The following ZDHHC24 variants were observed in gnomAD, a reference collection of about 807,000 sequenced individuals.
ZDHHC24 encodes zDHHC palmitoyltransferase 24.
ZDHHC24 carries 17 observed loss-of-function variants against 23.2 expected under a neutral mutation model. The ratio of observed to expected loss-of-function variants is 0.73; its 90% CI spans 0.50 to 1.10. The LOEUF (loss-of-function observed/expected upper bound fraction) is 1.10, where lower values mean the gene tolerates loss of function less well. Ranked by LOEUF, ZDHHC24 falls within the 50% of genes least tolerant of loss-of-function variation. ZDHHC24 has a pLI of 0.00. For missense variants in ZDHHC24, 366 were observed against 393.0 expected (o/e 0.93, Z 0.58); for synonymous variants, 186 against 194.5 (o/e 0.96, Z 0.36).
chr11:66,527,118 T>G, intron 3 of ZDHHC24: 1 of 1,135,638 alleles, frequency 8.8e-7, no homozygotes, highest in Non-Finnish European at 1.3e-6. Flanking sequence ...GGCTCACGCC[T>G]GTAATCCCAA....
At chr11:66,521,515 GC>G in intron 4 of ZDHHC24, 1 of 736,696 alleles carries the variant, frequency 1.4e-6, no homozygotes. Flanking sequence ...AGGAGGCTGA[GC>G]CCACAAACAC....
intron 4 of ZDHHC24, chr11:66,526,549 AGAAGCAACTCTATAG>A: frequency 2.0e-6 from 3 of 1,489,964 alleles, no homozygotes; most frequent in Non-Finnish European, 2.8e-6. Flanking sequence ...GGATGTGTAC[AGAAGCAACTCTATAG>A]GAGGCAGATT....
Position 66,529,827 on chromosome 11 carries a change from C to T in ZDHHC24, c.560-339G>A, listed in dbSNP as rs746824022. 14 of 1,611,144 alleles carry T rather than the reference C, an allele frequency of 8.7e-6. No individual in the cohort carries two copies. The highest frequency in any genetic ancestry group is 6.7e-5 in the East Asian group (3 of 44,862). ...GGGACCCTTCTCCACAGCCATGCAC[C>T]GGGCCTTCCAGACAGACCTATACCT... On this transcript the variant is annotated intron_variant, in intron 2 of 4. Coordinates refer to the ZDHHC24 transcript ENST00000526986.
chr11:66,541,231 G>A lies in ZDHHC24; in HGVS notation c.560-1407C>T, dbSNP rs539555065. On this transcript the variant is annotated intron_variant, in intron 2 of 2. Coordinates refer to ENST00000310442, the MANE Select transcript of ZDHHC24 (RefSeq NM_207340.3). The stretch of plus-strand genomic sequence containing the variant: ...AGCCTGGCCAACATGGAGAAACTCC[G>A]TCTGTACTAAAAATACAAAAAATTA... Among the ~76,000 whole-genome samples, 27 of 151,772 alleles carry A rather than the reference G, an allele frequency of 1.8e-4. 1 individual carries two copies. In the South Asian group the frequency reaches 3.1e-3, roughly 18 times the overall value.
chr11:66,527,185 T>C (rs574645941), intron 3 of ZDHHC24: 25 of 589,234 alleles, frequency 4.2e-5, no homozygotes, highest in Non-Finnish European at 6.9e-5. Flanking sequence ...CCTACCTGGG[T>C]AACATAATGA....
rs983665329 is a variant in ZDHHC24 at position 66,545,469 on chromosome 11, C to T, written c.281+254G>A. On this transcript the variant is annotated intron_variant, in intron 1 of 2. Coordinates refer to ENST00000310442, the MANE Select transcript of ZDHHC24 (RefSeq NM_207340.3). The surrounding 1 kb of genome is among the most constrained non-coding windows in gnomAD (Gnocchi z 4.5). ...CCTCTAGTTTCTCATCTGCACCCCC[C>T]TCAAATCAGGAATTTGTTCTATTGT... 1.3e-5 allele frequency among the ~76,000 whole-genome samples: 2 copies of T among 152,214 alleles called. No individual in the cohort carries two copies. The highest frequency in any genetic ancestry group is 4.8e-5 in the African/African-American group (2 of 41,456).
chr11:66,530,078 ACCTTC>A, intron 2 of ZDHHC24: 2 of 1,354,480 alleles, frequency 1.5e-6, no homozygotes, highest in Non-Finnish European at 2.0e-6. Flanking sequence ...GCTCCCCATC[ACCTTC>A]CCGCAGACCT....
chr11:66,534,346 G>A (rs984889871), downstream of ZDHHC24, among the ~76,000 whole-genome samples: 2 of 151,162 alleles, frequency 1.3e-5, no homozygotes, highest in African/African-American at 4.9e-5. Flanking sequence ...GGAAGGCTGA[G>A]GCAGGAGAAT....
intron 3 of ZDHHC24, chr11:66,527,190 T>G: frequency 1.7e-6 from 1 of 574,670 alleles, no homozygotes; most frequent in Non-Finnish European, 3.1e-6. Flanking sequence ...CTGGGTAACA[T>G]AATGATACTT....
chr11:66,522,642 G>A (rs1214498713), intron 4 of ZDHHC24, among the ~76,000 whole-genome samples: 3 of 152,066 alleles, frequency 2.0e-5, no homozygotes, highest in Admixed American at 1.3e-4. Context: ...CACCACACCC[G>A]GCCTAACATG....
At chr11:66,527,901 G>T (rs952365832) in intron 3 of ZDHHC24, among the ~76,000 whole-genome samples, 2 of 152,072 alleles carry the variant, frequency 1.3e-5, no homozygotes, top group African/African-American at 4.8e-5. Flanking sequence ...GGCAGGGCAG[G>T]GTAATATAGG....
intron 2 of ZDHHC24, chr11:66,542,781 G>A (rs1178215171): frequency 6.5e-6 from 1 of 153,240 alleles, no homozygotes; most frequent in Non-Finnish European, 1.5e-5. Flanking sequence ...AGGGGAGTGA[G>A]TGTTGACCAC....
chr11:66,528,429 T>A (rs1856613034), intron 3 of ZDHHC24, among the ~76,000 whole-genome samples: 1 of 151,940 alleles, frequency 6.6e-6, no homozygotes, highest in South Asian at 2.1e-4. Flanking sequence ...CTAAGAAGAT[T>A]GGGGAAAATA....
chr11:66,526,265 G>T, intron 4 of ZDHHC24: 1 of 1,464,438 alleles, frequency 6.8e-7, no homozygotes, highest in South Asian at 1.1e-5. Flanking sequence ...GGGGAAAGAG[G>T]AGGAGGTGGA....
At position 66,539,382 on chromosome 11, in the gene ZDHHC24, AGT is replaced by A; in HGVS notation, c.*145_*146del. 7.3e-7 allele frequency: 1 copy of A among 1,367,148 alleles called. No individual in the cohort carries two copies. Among genetic ancestry groups the A allele is most frequent in the East Asian group, 2.9e-5 (1 of 35,042 alleles). The allele number at this position is 1,367,148 out of a possible 1,614,324, so 84.7% of individuals were successfully genotyped here. A position where few individuals can be genotyped will look rare whatever the true frequency, so the allele number is the denominator to read the frequency against. Reference sequence around the variant, plus strand: ...ACGGCCCAAGCCCTGGACACGTAGGAGTGTAGGCGGGCAGGGGCAAGGCCAAG... The same window carrying A: ...ACGGCCCAAGCCCTGGACACGTAGGAGTAGGCGGGCAGGGGCAAGGCCAAG... On this transcript the variant is annotated 3_prime_UTR_variant, in exon 3 of 3. Transcript: ENST00000310442.
At chr11:66,533,441 C>T (rs1025974838), downstream of ZDHHC24, 2 of 152,146 alleles carry the variant, frequency 1.3e-5, no homozygotes, top group African/African-American at 4.8e-5. Flanking sequence ...CTGTTGACTC[C>T]CTGTTGTCAT....
Position 66,545,639 on chromosome 11 carries a change from C to G in ZDHHC24, c.281+84G>C, listed in dbSNP as rs1857291805. On this transcript the variant is annotated intron_variant, in intron 1 of 2. Coordinates refer to ENST00000310442, the MANE Select transcript of ZDHHC24 (RefSeq NM_207340.3). This position sits in a 1 kb window ranked among gnomAD's most constrained non-coding sequence, Gnocchi z 4.5. ...TAACAACCTGGATCCTAATGTAACC[C>G]GGTTCTAACATCTCAGGTCTTGGGG... 7.4e-7 allele frequency: 1 copy of G among 1,358,344 alleles called. No homozygotes were observed. The allele number at this position is 1,358,344 out of a possible 1,614,324, so 84.1% of individuals were successfully genotyped here.
In ZDHHC24 at chr11:66,539,815, G is replaced by A; in HGVS notation, c.569C>T (p.Ser190Phe). ...GAAGGCCAAGGCAAACTGTGCCAGA[G>A]ACACTCTGCCTGCAATAAAAGAGCA... ...PWLMLLTGRV[S>F]LAQFALAFVT... Residue 190 changes from serine to phenylalanine, a missense_variant, in exon 3 of 3, where the codon TCT becomes TTT. By Grantham distance (155) the Ser-to-Phe change is radical (BLOSUM62 -2). Coordinates refer to ENST00000310442, the MANE Select transcript of ZDHHC24 (RefSeq NM_207340.3). 6.2e-7 allele frequency: 1 copy of A among 1,600,936 alleles called. No homozygotes were observed. The highest frequency in any genetic ancestry group is 8.5e-7 in the Non-Finnish European group (1 of 1,172,540).
At chr11:66,523,975 T>G (rs1856370594) in intron 4 of ZDHHC24, 1 of 1,560,152 alleles carries the variant, frequency 6.4e-7, no homozygotes, top group Non-Finnish European at 8.7e-7. Flanking sequence ...CACACATTGA[T>G]GCATTTCAAA....
Sources: allele counts gnomAD v4.1 joint callset (sites outside exome capture counted in the v4.1 genomes callset), GRCh38; gene constraint gnomAD v4.1.1; non-coding constraint Gnocchi (gnomAD v3.1); transcripts MANE v1.5; gene names NCBI Gene and HGNC (gene_info 2026-07-23, HGNC 2026-07-21).